MTX3: variants seen among roughly 807,000 people sequenced by gnomAD.
The protein encoded by MTX3 is metaxin-3.
MTX3 carries 27 observed loss-of-function variants against 42.5 expected under a neutral mutation model. That is an observed-to-expected ratio of 0.64 (90% CI 0.47 to 0.88). MTX3 has a LOEUF of 0.88. Among genes scored for constraint, MTX3 ranks in the 40% least tolerant of loss-of-function variants. The pLI, the probability that MTX3 is intolerant of heterozygous loss-of-function variation, is 0.00. For missense variants in MTX3, 378 were observed against 367.0 expected, an observed-to-expected ratio of 1.03 and a Z score of -0.25; for synonymous variants, 144 against 132.9, an observed-to-expected ratio of 1.08 and a Z score of -0.57.
intron 6 of MTX3, 97 bp downstream of exon 6, chr5:79,988,142 A>C: frequency 1.4e-6 from 1 of 731,630 alleles, no homozygotes; most frequent in Non-Finnish European, 2.3e-6. Flanking sequence ...TAAGTAAAAA[A>C]CTCATCTTTT....
Position 79,988,300 on chromosome 5 carries a change from T to A in MTX3, c.520A>T (p.Lys174Ter). 6.4e-7 allele frequency: 1 copy of A among 1,555,132 alleles called. No homozygotes were observed. Among genetic ancestry groups the A allele is most frequent in the Non-Finnish European group, 8.7e-7 (1 of 1,145,122 alleles). ...EVEAQIYRDAKECLNLLSNRL... is the reference protein window; with the variant it reads ...EVEAQIYRDA ...TTTGATAGAAGATTTAGGCACTCCT[T>A]GGCATCTCTGTATATCTAATAAGGA... Residue 174 changes from lysine (K) to a stop codon, truncating the protein, a stop_gained, in exon 6 of 9, where the codon AAG becomes TAG. Coordinates refer to ENST00000512528, the MANE Select transcript of MTX3 (RefSeq NM_001363818.2). LOFTEE classifies it high-confidence loss of function.
intron 8 of MTX3, 35 bp downstream of exon 8, chr5:79,985,536 C>T: frequency 1.4e-6 from 2 of 1,424,226 alleles, no homozygotes; most frequent in South Asian, 2.3e-5. Flanking sequence ...AAGGAAAATA[C>T]TGAACTATGA....
chr5:79,984,598 T>C (rs780408965), intron 8 of MTX3, among the ~76,000 whole-genome samples: 20 of 150,498 alleles, frequency 1.3e-4, no homozygotes, highest in Non-Finnish European at 2.4e-4. Context: ...GTTTGTAAAA[T>C]AGTAAGTATT....
At position 79,987,209 on chromosome 5, in the gene MTX3, C is replaced by T. The variant is rs555297475; in HGVS notation, c.582-102G>A. ...AATCCCAGTACTTTGGGAGATCAAG[C>T]GGGGGCAGATCACTTGAGGTCAGGA... On this transcript the variant is annotated intron_variant, in intron 6 of 8. Transcript: ENST00000512528. 50 of 992,526 alleles carry T rather than the reference C, an allele frequency of 5.0e-5. No individual in the cohort carries two copies. In the East Asian group the frequency reaches 7.6e-4, roughly 15 times the overall value. The allele number at this position is 992,526 out of a possible 1,614,324, so 61.5% of individuals were successfully genotyped here. A position where few individuals can be genotyped will look rare whatever the true frequency, so the allele number is the denominator to read the frequency against.
At chr5:79,985,443 C>T (rs1452770008) in intron 8 of MTX3, 128 bp downstream of exon 8, 2 of 670,580 alleles carry the variant, frequency 3.0e-6, no homozygotes, top group Non-Finnish European at 5.2e-6. Context: ...TATATTTAAA[C>T]AGTTTTCTGA....
rs753429942 is a variant in MTX3 at position 79,990,663 on chromosome 5, C to T, written c.82G>A (p.Ala28Thr). The stretch of plus-strand genomic sequence containing the variant: ...GGTGCACCAGAAAATTTGGCATAAG[C>T]CTGAAACAGAGTTTGCAATCAAACA... ...SVHSESLVVM[A>T]YAKFSGAPLK... The change falls in exon 2 of 9, where the codon GCT (alanine) becomes ACT (threonine). Residue 28 changes from alanine to threonine, a missense_variant and splice_region_variant. Physicochemically the swap from Ala to Thr is moderately conservative, Grantham distance 58. Transcript: ENST00000512528. The T allele has an allele frequency of 3.0e-5, 48 of 1,612,308 alleles. No homozygotes were observed. Among genetic ancestry groups the T allele is most frequent in the Non-Finnish European group, 4.1e-5 (48 of 1,178,798 alleles).
At chr5:79,990,928 A>AG (rs1344595777) in intron 1 of MTX3, 1 of 710,452 alleles carries the variant, frequency 1.4e-6, no homozygotes, top group Admixed American at 2.0e-5. Flanking sequence ...CAGCTTTGTG[A>AG]GGCGGACAAA....
chr5:79,985,544 T>C (rs754184232), intron 8 of MTX3, 27 bp downstream of exon 8: 13 of 1,473,734 alleles, frequency 8.8e-6, no homozygotes, highest in African/African-American at 5.5e-5. Context: ...TACTGAACTA[T>C]GATAAAATGA....
At chr5:79,990,545 G>A (rs1472543187) in intron 2 of MTX3, 49 bp downstream of exon 2, 13 of 1,219,592 alleles carry the variant, frequency 1.1e-5, no homozygotes, top group East Asian at 2.4e-5. Context: ...TTAAATGGAA[G>A]AAGAAAAAAA....
rs571274619 is a variant in MTX3, at chr5:79,981,332, T to G, written c.*2352A>C. The G allele has an allele frequency of 1.3e-5, 2 of 152,228 alleles. No homozygotes were observed. The highest frequency in any genetic ancestry group is 2.9e-5 in the Non-Finnish European group (2 of 68,048). 9.4% of individuals were successfully genotyped at this position (152,228 alleles called of 1,614,324 possible). ...ATAAACTCTCACTAAACTCACATGTTGCATCTTAGAAAAGGTGATCTGGAA... is the reference window on the plus strand; with the variant it reads ...ATAAACTCTCACTAAACTCACATGTGGCATCTTAGAAAAGGTGATCTGGAA... On this transcript the variant is annotated 3_prime_UTR_variant, in exon 9 of 9. Transcript: ENST00000512528.
Position 79,987,440 on chromosome 5 carries a change from CAAAAAAA to C in MTX3, c.582-340_582-334del, listed in dbSNP as rs397884673. On this transcript the variant is annotated intron_variant, in intron 6 of 8. Transcript: ENST00000512528. ...GGGCAACAAGAGCAAGACTCCATCT[CAAAAAAA>C]AAAAAAAAAAAAAATTAAATTAAGG... 5.9e-5 allele frequency among the ~76,000 whole-genome samples: 5 copies of C among 85,132 alleles called. No homozygotes were observed. The Admixed American group carries it at 6.4e-4, about 11-fold the overall frequency. 55.8% of individuals were successfully genotyped at this position (85,132 alleles called of 152,430 possible).
rs1006177683 is a variant in MTX3 at position 79,978,574 on chromosome 5, G to A, written c.*5110C>T. 2 of 152,298 alleles carry A rather than the reference G, an allele frequency of 1.3e-5. No homozygotes were observed. The highest frequency in any genetic ancestry group is 1.5e-5 in the Non-Finnish European group (1 of 68,122). 9.4% of individuals were successfully genotyped at this position (152,298 alleles called of 1,614,324 possible). On this transcript the variant is annotated 3_prime_UTR_variant, in exon 9 of 9. Transcript: ENST00000512528. ...CACTGCACTCCAGCCTGGGTGACAA[G>A]ACCAAGACTCCGTCTCAAGAAAACA...
chr5:79,987,706 G>T (rs146994284), intron 6 of MTX3, among the ~76,000 whole-genome samples: 2 of 152,022 alleles, frequency 1.3e-5, no homozygotes, highest in African/African-American at 4.8e-5. Context: ...AGGCAGAGTG[G>T]GAACAGTCTG....
Position 79,989,237 on chromosome 5 carries a change from T to C in MTX3, c.236A>G (p.Asn79Ser). The change falls in exon 4 of 9, where the codon AAT (asparagine) becomes AGT (serine). Residue 79 changes from asparagine to serine, a missense_variant. By Grantham distance (46) the Asn-to-Ser change is conservative (BLOSUM62 1). Transcript: ENST00000512528. ...TTTTGCTGAGAGTTCATAATCAGCA[T>C]TATATTTCTATTAAAAAAAAATAAA... ...ILNFLRKQKY[N>S]ADYELSAKQG... is the part of the protein sequence containing the mutation. The C allele has an allele frequency of 6.3e-7, 1 of 1,583,558 alleles. No individual in the cohort carries two copies.
chr5:79,979,296 G>T lies in MTX3; in HGVS notation c.*4388C>A, dbSNP rs1831321685. On this transcript the variant is annotated 3_prime_UTR_variant, in exon 9 of 9. Transcript: ENST00000512528. ...CAAGTTTGAGGATAATGGGCTTACT[G>T]ACCTGACCTTTGATTTCACGTAACT... is the stretch of plus-strand genomic sequence containing the variant. The T allele has an allele frequency of 6.6e-6, 1 of 152,138 alleles. No individual in the cohort carries two copies. Among genetic ancestry groups the T allele is most frequent in the African/African-American group, 2.4e-5 (1 of 41,424 alleles). 9.4% of individuals were successfully genotyped at this position (152,138 alleles called of 1,614,324 possible).
rs1264795041 is a variant in MTX3, at chr5:79,983,409, G to A, written c.*275C>T. 2 of 409,174 alleles carry A rather than the reference G, an allele frequency of 4.9e-6. No individual in the cohort carries two copies. The highest frequency in any genetic ancestry group is 4.4e-6 in the Non-Finnish European group (1 of 226,760). 25.3% of individuals were successfully genotyped at this position (409,174 alleles called of 1,614,324 possible). A position where few individuals can be genotyped will look rare whatever the true frequency, so the allele number is the denominator to read the frequency against. ...TGAACCAAAGGCAAAAATCTGCCAT[G>A]ATTAAGGCAGTTCTTTGTATACAGT... On this transcript the variant is annotated 3_prime_UTR_variant, in exon 9 of 9. Coordinates refer to ENST00000512528, the MANE Select transcript of MTX3 (RefSeq NM_001363818.2).
rs1252670440 is a variant in MTX3, at chr5:79,978,669, T to G, written c.*5015A>C. ...AAAATAGAGGTGCTTCTTGGAGATT[T>G]AAAATGCACATTAGCGTATCAAAGG... On this transcript the variant is annotated 3_prime_UTR_variant, in exon 9 of 9. Transcript: ENST00000512528. 1 of 152,164 alleles carries G rather than the reference T, an allele frequency of 6.6e-6. No individual in the cohort carries two copies. Among genetic ancestry groups the G allele is most frequent in the African/African-American group, 2.4e-5 (1 of 41,426 alleles). 9.4% of individuals were successfully genotyped at this position (152,164 alleles called of 1,614,324 possible). A position where few individuals can be genotyped will look rare whatever the true frequency, so the allele number is the denominator to read the frequency against.
rs770527505 is a variant in MTX3, at chr5:79,982,428, T to C, written c.*1256A>G. The C allele has an allele frequency of 1.2e-4, 57 of 456,646 alleles. No individual in the cohort carries two copies. The highest frequency in any genetic ancestry group is 9.0e-4 in the African/African-American group (45 of 50,190). 28.3% of individuals were successfully genotyped at this position (456,646 alleles called of 1,614,324 possible). On this transcript the variant is annotated 3_prime_UTR_variant, in exon 9 of 9. Transcript: ENST00000512528. Reference sequence around the variant, plus strand: ...GGTTCCTGCACGACTTGATAAGATTTGCTGAGCACCACAGTAATCTTTTAA... The same window carrying C: ...GGTTCCTGCACGACTTGATAAGATTCGCTGAGCACCACAGTAATCTTTTAA...
intron 7 of MTX3, chr5:79,986,717 GA>G (rs1831498889): frequency 2.6e-5 from 15 of 574,050 alleles, no homozygotes; most frequent in South Asian, 2.6e-4. Flanking sequence ...ACAAGAAGAA[GA>G]AACGTAAAAA....
Sources: gnomAD v4.1 joint callset for allele counts (sites outside exome capture counted in the v4.1 genomes callset) on GRCh38, gnomAD v4.1.1 for gene constraint, MANE v1.5 for transcripts, NCBI Gene and HGNC (gene_info 2026-07-23, HGNC 2026-07-21) for gene names.